Variants in RAB5IF observed in about 807,000 individuals in gnomAD.
RAB5IF encodes the protein RAB5 interacting factor, also known as GEL complex subunit OPTI.
In RAB5IF, 15 loss-of-function variants were observed where a neutral mutation model predicts 20.3. The observed-to-expected ratio is 0.74, with a 90% CI of 0.50 to 1.14. The LOEUF (loss-of-function observed/expected upper bound fraction) is 1.14, where lower values mean the gene tolerates loss of function less well. Among genes scored for constraint, RAB5IF ranks in the 50% most tolerant of loss-of-function variants. The probability of loss-of-function intolerance (pLI) is 0.00; values close to 1 mark genes in which losing one functional copy is unlikely to be tolerated. For missense variants in RAB5IF, 148 were observed against 159.5 expected, an observed-to-expected ratio of 0.93 and a Z score of 0.39; for synonymous variants, 67 against 63.7, an observed-to-expected ratio of 1.05 and a Z score of -0.25.
intron 3 of RAB5IF, among the ~76,000 whole-genome samples, chr20:36,610,247 G>T (rs1057055536): frequency 6.6e-6 from 1 of 152,050 alleles, no homozygotes; most frequent in African/African-American, 2.4e-5. Flanking sequence ...TCGCGCCATC[G>T]CATTCTAGCC....
intron 2 of RAB5IF, among the ~76,000 whole-genome samples, chr20:36,609,196 CACACACGCACACACG>C (rs2039027732): frequency 2.1e-5 from 1 of 46,634 alleles, no homozygotes; most frequent in East Asian, 5.7e-4. Flanking sequence ...CACACACACG[CACACACGCACACACG>C]CACACACGCA....
At chr20:36,611,136 T>C (rs2039102532) in intron 3 of RAB5IF, among the ~76,000 whole-genome samples, 1 of 152,094 alleles carries the variant, frequency 6.6e-6, no homozygotes, top group African/African-American at 2.4e-5. Flanking sequence ...ACTACAGGTG[T>C]GAGCCACCAT....
chr20:36,605,793 A>G lies in RAB5IF; in HGVS notation c.-159A>G, dbSNP rs958694143. On this transcript the variant is annotated 5_prime_UTR_variant, in exon 1 of 4. Transcript: ENST00000344795. The stretch of plus-strand genomic sequence containing the variant: ...GCGCCTGCTCTGTAGAGCCGGCGGA[A>G]CCGGGTAGCTTGGCCAGGTTGTGAG... 5.0e-6 allele frequency: 2 copies of G among 400,938 alleles called. No individual in the cohort carries two copies. The highest frequency in any genetic ancestry group is 8.8e-6 in the Non-Finnish European group (2 of 227,990). The allele number at this position is 400,938 out of a possible 1,614,324, so 24.8% of individuals were successfully genotyped here.
chr20:36,610,209 G>T (rs896723574), intron 3 of RAB5IF, among the ~76,000 whole-genome samples: 1 of 152,038 alleles, frequency 6.6e-6, no homozygotes, highest in Non-Finnish European at 1.5e-5. Context: ...GCTTGAACCC[G>T]GGAGGCGGAG....
rs1180878398 is a variant in RAB5IF at position 36,607,775 on chromosome 20, A to T, written c.175A>T (p.Ile59Phe). 6.2e-7 allele frequency: 1 copy of T among 1,613,992 alleles called. No individual in the cohort carries two copies. The change falls in exon 2 of 4, where the codon ATT becomes TTT. Residue 59 changes from isoleucine to phenylalanine, a missense_variant. Transcript: ENST00000344795. ...GATCATTGCTGTGGTCCTGGGTGTC[A>T]TTTGGGGAGTTTTGCCATTACGAGG... ...RQIIAVVLGV[I>F]WGVLPLRGFL...
chr20:36,608,860 C>T (rs2038997146), intron 2 of RAB5IF, among the ~76,000 whole-genome samples: 1 of 151,912 alleles, frequency 6.6e-6, no homozygotes, highest in South Asian at 2.1e-4. Flanking sequence ...CCACCATGCC[C>T]GGCTCATTGC....
At position 36,605,994 on chromosome 20, in the gene RAB5IF, C is replaced by T. The variant is rs750657611; in HGVS notation, c.43C>T (p.Leu15=). The change falls in exon 1 of 4, where the codon CTG becomes TTG. Residue 15 remains leucine, a synonymous_variant. Coordinates refer to ENST00000344795, the MANE Select transcript of RAB5IF (RefSeq NM_018840.5). ...GAAGGAGGAGCCGCCTCAGCCGCAG[C>T]TGGCCAACGGGGCCCTCAAAGTCTC... ...RRKEEPPQPQ[L]ANGALKVSVW... 26 of 1,524,572 alleles carry T rather than the reference C, an allele frequency of 1.7e-5. No individual in the cohort carries two copies. In the South Asian group the frequency reaches 3.0e-4, roughly 17 times the overall value. 94.4% of individuals were successfully genotyped at this position (1,524,572 alleles called of 1,614,324 possible).
At chr20:36,611,493 C>CAAAAAAAAAAAAA (rs60975859) in intron 3 of RAB5IF, among the ~76,000 whole-genome samples, 1 of 46,522 alleles carries the variant, frequency 2.1e-5, no homozygotes, top group African/African-American at 6.9e-5. Flanking sequence ...CAGCAGGACT[C>CAAAAAAAAAAAAA]AAAAAAAAAA....
chr20:36,609,156 T>TACATACATACATATACACACACACAC, intron 2 of RAB5IF, among the ~76,000 whole-genome samples: 370 of 17,066 alleles, frequency 0.022, 110 homozygotes, highest in Middle Eastern at 0.042. Flanking sequence ...AGAACTATAT[T>TACATACATACATATACACACACACAC]ACACACACAC....
In RAB5IF at chr20:36,609,702, G is replaced by C. The variant is rs960370123; in HGVS notation, c.320G>C (p.Gly107Ala). 1.2e-6 allele frequency: 2 copies of C among 1,614,068 alleles called. No individual in the cohort carries two copies. The highest frequency in any genetic ancestry group is 1.7e-6 in the Non-Finnish European group (2 of 1,180,042). Reference sequence around the variant, plus strand: ...GGCACGTGGGAGCTCACGAAGGAAGGGTTTATGACCTCTTTTGCCTTGTTC... The same window carrying C: ...GGCACGTGGGAGCTCACGAAGGAAGCGTTTATGACCTCTTTTGCCTTGTTC... ...YGGTWELTKE[G>A]FMTSFALFMV... The change falls in exon 3 of 4, where the codon GGG becomes GCG. Residue 107 changes from glycine (G) to alanine (A), a missense_variant. Gly to Ala is a moderately conservative substitution (Grantham distance 60). Coordinates refer to ENST00000344795, the MANE Select transcript of RAB5IF (RefSeq NM_018840.5).
Position 36,609,207 on chromosome 20 carries a change from A to G in RAB5IF, c.219-394A>G, listed in dbSNP as rs1156591419. Among the ~76,000 whole-genome samples the G allele has an allele frequency of 7.9e-4, 52 of 65,880 alleles. 5 individuals are homozygous for G. The highest frequency in any genetic ancestry group is 0.015 in the Middle Eastern group (2 of 136). The allele number at this position is 65,880 out of a possible 152,430, so 43.2% of individuals were successfully genotyped here. ...CACACACACACACGCACACACGCAC[A>G]CACGCACACACGCACACACACACAC... On this transcript the variant is annotated intron_variant, in intron 2 of 3. Coordinates refer to ENST00000344795, the MANE Select transcript of RAB5IF (RefSeq NM_018840.5).
In RAB5IF at chr20:36,611,995, T is replaced by TTGTC; in HGVS notation, c.349-13_349-10dup. ...AAGCCAGGTGACCTATGAACAGTGC[T>TTGTC]TGTCTCCTCACTAGGTCATTTGGAT... On this transcript the variant is annotated splice_polypyrimidine_tract_variant and intron_variant, in intron 3 of 3. Transcript: ENST00000344795. 6.2e-7 allele frequency: 1 copy of TTGTC among 1,614,188 alleles called. No homozygotes were observed. The highest frequency in any genetic ancestry group is 8.5e-7 in the Non-Finnish European group (1 of 1,180,016).
At chr20:36,608,792 T>C (rs948832890) in intron 2 of RAB5IF, among the ~76,000 whole-genome samples, 1 of 151,986 alleles carries the variant, frequency 6.6e-6, no homozygotes, top group African/African-American at 2.4e-5. Context: ...CTTGAATTCC[T>C]GACCTCAGGT....
intron 2 of RAB5IF, among the ~76,000 whole-genome samples, chr20:36,609,195 G>A (rs1291177): frequency 0.74 from 24,749 of 33,606 alleles, 10,958 homozygotes; most frequent in East Asian, 0.93. Context: ...ACACACACAC[G>A]CACACACGCA....
Position 36,609,677 on chromosome 20 carries a change from G to A in RAB5IF, c.295G>A (p.Gly99Ser). The A allele has an allele frequency of 1.2e-6, 2 of 1,614,154 alleles. No individual in the cohort carries two copies. The highest frequency in any genetic ancestry group is 1.7e-6 in the Non-Finnish European group (2 of 1,180,006). ...ACAGATTGATGAGGAAGAATATGGT[G>A]GCACGTGGGAGCTCACGAAGGAAGG... The part of the protein sequence containing the change: ...YLQIDEEEYG[G>S]TWELTKEGFM... The change falls in exon 3 of 4, where the codon GGC becomes AGC. Residue 99 changes from glycine to serine, a missense_variant. Physicochemically the swap from Gly to Ser is moderately conservative, Grantham distance 56 (BLOSUM62 0). Transcript: ENST00000344795.
chr20:36,608,556 CT>C (rs34058641), intron 2 of RAB5IF, among the ~76,000 whole-genome samples: 7,442 of 104,872 alleles, frequency 0.071, 766 homozygotes, highest in African/African-American at 0.24. Context: ...CGGTCTCATT[CT>C]TTTTTTTTTT....
intron 1 of RAB5IF, among the ~76,000 whole-genome samples, chr20:36,606,837 T>G (rs1215940895): frequency 6.6e-6 from 1 of 152,224 alleles, no homozygotes; most frequent in Non-Finnish European, 1.5e-5. Context: ...TTGAAAAGCG[T>G]ATTATATTTG....
At chr20:36,608,432 A>G (rs967709157) in intron 2 of RAB5IF, among the ~76,000 whole-genome samples, 9 of 151,766 alleles carry the variant, frequency 5.9e-5, no homozygotes, top group Non-Finnish European at 5.9e-5. Context: ...TTTTGTAGAG[A>G]CAAGGTTTCT....
At chr20:36,611,493 CAA>C (rs60975859) in intron 3 of RAB5IF, among the ~76,000 whole-genome samples, 747 of 46,490 alleles carry the variant, frequency 0.016, 2 homozygotes, top group East Asian at 0.084. Context: ...CAGCAGGACT[CAA>C]AAAAAAAAAA....
Sources: allele counts gnomAD v4.1 joint callset (sites outside exome capture counted in the v4.1 genomes callset), GRCh38; gene constraint gnomAD v4.1.1; transcripts MANE v1.5; gene names NCBI Gene and HGNC (gene_info 2026-07-23, HGNC 2026-07-21).